Variants in SPATA17 observed in about 807,000 individuals in gnomAD.
The protein encoded by SPATA17 is spermatogenesis associated 17, also known as spermatogenesis-associated protein 17.
In SPATA17, 53 loss-of-function variants were observed where a neutral mutation model predicts 62.2. The observed-to-expected ratio is 0.85, with a 90% CI of 0.68 to 1.07. The LOEUF is 1.07. Among genes scored for constraint, SPATA17 ranks in the 50% least tolerant of loss-of-function variants. The pLI is 0.00. For synonymous variants in SPATA17, 146 were observed against 146.8 expected (o/e 0.99, Z 0.04); for missense variants, 466 against 425.5 (o/e 1.10, Z -0.84).
intron 6 of SPATA17, among the ~76,000 whole-genome samples, chr1:217,746,634 A>C (rs564181301): frequency 1.3e-5 from 2 of 151,958 alleles, no homozygotes; most frequent in Non-Finnish European, 3.0e-5. Flanking sequence ...GCAAAGTTTT[A>C]AAGTCAGGTT....
chr1:217,650,899 C>T (rs1011301224), intron 2 of SPATA17, among the ~76,000 whole-genome samples, 198 bp from the exon 3 acceptor site: 2 of 152,126 alleles, frequency 1.3e-5, no homozygotes, highest in Non-Finnish European at 2.9e-5. Flanking sequence ...AAAGAAATAA[C>T]AAATAGTTAC....
rs1227366647 is a variant in SPATA17 at position 217,830,867 on chromosome 1, A to T, written c.1005+29017A>T. ...CAAGTTAAAAGGTTAACAAATGTGA[A>T]TTGCCAAATGACTAGGAAGTGATAA... On this transcript the variant is annotated intron_variant, in intron 9 of 10. Coordinates refer to ENST00000366933, the MANE Select transcript of SPATA17 (RefSeq NM_138796.4). 2.0e-5 allele frequency among the ~76,000 whole-genome samples: 3 copies of T among 152,308 alleles called. No homozygotes were observed. The East Asian group carries it at 5.8e-4, about 29-fold the overall frequency.
chr1:217,648,163 A>T (rs1029766407), intron 1 of SPATA17, among the ~76,000 whole-genome samples: 1 of 152,214 alleles, frequency 6.6e-6, no homozygotes, highest in Non-Finnish European at 1.5e-5. Flanking sequence ...ATCATATAGT[A>T]ATCTTATCAT....
chr1:217,637,720 G>C (rs2102874912), intron 1 of SPATA17, among the ~76,000 whole-genome samples: 1 of 152,210 alleles, frequency 6.6e-6, no homozygotes. Flanking sequence ...TAGTTGAATA[G>C]ATGTGAGTCC....
intron 8 of SPATA17, among the ~76,000 whole-genome samples, chr1:217,797,280 C>T (rs1221396524): frequency 1.4e-5 from 2 of 145,196 alleles, no homozygotes; most frequent in Admixed American, 7.0e-5. Flanking sequence ...GATGGAGTCT[C>T]ACTCTGTTGC....
chr1:217,764,682 CA>C (rs1673254774), intron 6 of SPATA17, among the ~76,000 whole-genome samples: 1 of 152,132 alleles, frequency 6.6e-6, no homozygotes, highest in Non-Finnish European at 1.5e-5. Flanking sequence ...TTTGCATTCC[CA>C]TCAGCAATAA....
chr1:217,784,054 C>G (rs1673796257), intron 8 of SPATA17, among the ~76,000 whole-genome samples: 1 of 151,824 alleles, frequency 6.6e-6, no homozygotes, highest in Non-Finnish European at 1.5e-5. Flanking sequence ...GGTCTTTAAC[C>G]TAAGGATAAT....
In SPATA17 at chr1:217,827,651, G is replaced by C. The variant is rs537950555; in HGVS notation, c.1005+25801G>C. On this transcript the variant is annotated intron_variant, in intron 9 of 10. Transcript: ENST00000366933. ...TCAACCCAAATGCCCATCAGTGATAGACTGGATAAAGAAAATGTGGTATAT... is the reference window on the plus strand; with the variant it reads ...TCAACCCAAATGCCCATCAGTGATACACTGGATAAAGAAAATGTGGTATAT... 3.1e-3 allele frequency among the ~76,000 whole-genome samples: 467 copies of C among 152,250 alleles called. 3 individuals are homozygous for C. The highest frequency in any genetic ancestry group is 5.4e-3 in the Non-Finnish European group (368 of 68,016).
At chr1:217,816,337 T>C (rs1571824285) in intron 9 of SPATA17, among the ~76,000 whole-genome samples, 1 of 151,950 alleles carries the variant, frequency 6.6e-6, no homozygotes, top group East Asian at 1.9e-4. Flanking sequence ...TTTTACCTTA[T>C]TATTTATTAA....
chr1:217,641,615 A>AT (rs1468295970), intron 1 of SPATA17, among the ~76,000 whole-genome samples: 1 of 152,182 alleles, frequency 6.6e-6, no homozygotes, highest in Admixed American at 6.5e-5. Flanking sequence ...AAATTATTAG[A>AT]TGCATACACA....
At chr1:217,814,099 A>G (rs1401297009) in intron 9 of SPATA17, among the ~76,000 whole-genome samples, 1 of 152,158 alleles carries the variant, frequency 6.6e-6, no homozygotes, top group East Asian at 1.9e-4. Flanking sequence ...AATATGTGCA[A>G]TGATGTGTCT....
At chr1:217,689,316 C>A (rs1003831175) in intron 5 of SPATA17, among the ~76,000 whole-genome samples, 1 of 143,462 alleles carries the variant, frequency 7.0e-6, no homozygotes, top group African/African-American at 2.6e-5. Context: ...ATCTCTGCCT[C>A]CCTGGTTCAA....
At chr1:217,681,554 A>G (rs976966939) in intron 4 of SPATA17, among the ~76,000 whole-genome samples, 5 of 151,670 alleles carry the variant, frequency 3.3e-5, no homozygotes, top group African/African-American at 1.2e-4. Context: ...TTTTTAGTAG[A>G]GACAGGGTTT....
Position 217,741,968 on chromosome 1 carries a change from G to C in SPATA17, c.396-7G>C. The stretch of plus-strand genomic sequence containing the variant: ...ATCATAAATAACTGCAGATGGTTTT[G>C]ATGCAGGAAGGCACTGGAGGAGTTT... On this transcript the variant is annotated splice_polypyrimidine_tract_variant and splice_region_variant and intron_variant, in intron 5 of 10. Transcript: ENST00000366933. The C allele has an allele frequency of 6.2e-7, 1 of 1,613,820 alleles. No individual in the cohort carries two copies.
intron 5 of SPATA17, among the ~76,000 whole-genome samples, chr1:217,687,474 C>T (rs756880287): frequency 6.6e-6 from 1 of 152,130 alleles, no homozygotes; most frequent in African/African-American, 2.4e-5. Flanking sequence ...CAATGACGTA[C>T]GACATTTATG....
At position 217,797,759 on chromosome 1, in the gene SPATA17, C is replaced by T. The variant is rs1187130076; in HGVS notation, c.873-3959C>T. ...ACGTAGGTGTCTTTGCTTGTCAAAT[C>T]AAGTTTTGTAGAACAGAGTACAGAT... is the stretch of plus-strand genomic sequence containing the variant. On this transcript the variant is annotated intron_variant, in intron 8 of 10. Coordinates refer to ENST00000366933, the MANE Select transcript of SPATA17 (RefSeq NM_138796.4). Among the ~76,000 whole-genome samples, 4 of 152,054 alleles carry T rather than the reference C, an allele frequency of 2.6e-5. No homozygotes were observed. In the East Asian group the frequency reaches 7.7e-4, roughly 29 times the overall value.
At chr1:217,702,190 CAT>C (rs1161540207) in intron 5 of SPATA17, among the ~76,000 whole-genome samples, 2 of 152,054 alleles carry the variant, frequency 1.3e-5, no homozygotes, top group African/African-American at 4.8e-5. Context: ...ACTAACTTAA[CAT>C]GTTTGCAAAT....
rs866329226 is a variant in SPATA17 at position 217,868,673 on chromosome 1, T to G, written c.*1654T>G. 1.0e-4 allele frequency: 15 copies of G among 147,546 alleles called. No individual in the cohort carries two copies. Among genetic ancestry groups the G allele is most frequent in the East Asian group, 2.0e-4 (1 of 5,032 alleles). 9.1% of individuals were successfully genotyped at this position (147,546 alleles called of 1,614,324 possible). A position where few individuals can be genotyped will look rare whatever the true frequency, so the allele number is the denominator to read the frequency against. On this transcript the variant is annotated 3_prime_UTR_variant, in exon 11 of 11. Coordinates refer to ENST00000366933, the MANE Select transcript of SPATA17 (RefSeq NM_138796.4). ...AAGTATCTGAGACAATGTTTTTTTT[T>G]TTTTTTTTTTTTTTTTTAATTTCTG...
In SPATA17 at chr1:217,869,001, G is replaced by C. The variant is rs1236408956; in HGVS notation, c.*1982G>C. ...CCAGCCCTGAGACATGTCTCAATTA[G>C]TTTAGAAGTTTATTTGGCCAAGGTT... On this transcript the variant is annotated 3_prime_UTR_variant, in exon 11 of 11. Transcript: ENST00000366933. 6.6e-6 allele frequency: 1 copy of C among 152,250 alleles called. No homozygotes were observed. The highest frequency in any genetic ancestry group is 2.4e-5 in the African/African-American group (1 of 41,442). 9.4% of individuals were successfully genotyped at this position (152,250 alleles called of 1,614,324 possible).
Sources: gnomAD v4.1 joint callset for allele counts (sites outside exome capture counted in the v4.1 genomes callset) on GRCh38, gnomAD v4.1.1 for gene constraint, MANE v1.5 for transcripts, NCBI Gene and HGNC (gene_info 2026-07-23, HGNC 2026-07-21) for gene names.